DCP2: variants seen among roughly 807,000 people sequenced by gnomAD.
DCP2 encodes the protein decapping mRNA 2.
A neutral mutation model predicts 56.1 loss-of-function variants in DCP2; 30 were observed. That is an observed-to-expected ratio of 0.53 (90% CI 0.40 to 0.73). The LOEUF is 0.73. DCP2 is among the 30% of genes least tolerant of loss of function. The pLI is 0.00. For synonymous variants in DCP2, 197 were observed against 163.3 expected (o/e 1.21, Z -1.57); for missense variants, 533 against 502.7 (o/e 1.06, Z -0.58).
intron 10 of DCP2, 103 bp downstream of exon 10, chr5:113,010,910 AG>A: frequency 8.1e-7 from 1 of 1,230,710 alleles, no homozygotes; most frequent in East Asian, 2.4e-5. Flanking sequence ...ATAGTTAAGC[AG>A]GAAGAGTTGC....
Position 113,001,656 on chromosome 5 carries a change from C to A in DCP2, c.788C>A (p.Pro263His), listed in dbSNP as rs991328600. 1 of 1,613,906 alleles carries A rather than the reference C, an allele frequency of 6.2e-7. No homozygotes were observed. The highest frequency in any genetic ancestry group is 8.5e-7 in the Non-Finnish European group (1 of 1,179,952). ...TCAACTGGTAGCACGCCGGCTAAAC[C>A]CACTGTGGAAAAATTGAGGTAAAGA... is the stretch of plus-strand genomic sequence containing the variant. ...FSSTGSTPAK[P>H]TVEKLSRTKF... Residue 263 changes from proline (P) to histidine (H), a missense_variant, in exon 7 of 11, where the codon CCC (proline) becomes CAC (histidine). Coordinates refer to ENST00000389063, the MANE Select transcript of DCP2 (RefSeq NM_152624.6).
rs997770959 is a variant in DCP2, at chr5:113,017,088, C to T, written c.*3604C>T. The stretch of plus-strand genomic sequence containing the variant: ...TTGGCTTTTTATCTTTATTTTTGTA[C>T]CAGTGGACCTTCCTGCTCCCTGAGA... On this transcript the variant is annotated 3_prime_UTR_variant, in exon 11 of 11. Coordinates refer to ENST00000389063, the MANE Select transcript of DCP2 (RefSeq NM_152624.6). The T allele has an allele frequency of 1.3e-5, 2 of 152,018 alleles. No individual in the cohort carries two copies. The highest frequency in any genetic ancestry group is 4.8e-5 in the African/African-American group (2 of 41,402). 9.4% of individuals were successfully genotyped at this position (152,018 alleles called of 1,614,324 possible). A position where few individuals can be genotyped will look rare whatever the true frequency, so the allele number is the denominator to read the frequency against.
Position 113,010,758 on chromosome 5 carries a change from G to A in DCP2, c.1050G>A (p.Lys350=). The A allele has an allele frequency of 6.3e-7, 1 of 1,577,026 alleles. No homozygotes were observed. The highest frequency in any genetic ancestry group is 8.6e-7 in the Non-Finnish European group (1 of 1,167,496). The change falls in exon 10 of 11, where the codon AAG becomes AAA. Residue 350 remains lysine, a splice_region_variant and synonymous_variant. Coordinates refer to ENST00000389063, the MANE Select transcript of DCP2 (RefSeq NM_152624.6). Reference sequence around the variant, plus strand: ...GTGTTTTTTTTTTTTTTAAATAGAAGTGTGAAAAGAAACTTCATCCACGGA... The same window carrying A: ...GTGTTTTTTTTTTTTTTAAATAGAAATGTGAAAAGAAACTTCATCCACGGA... ...QPAKQQNSLM[K]CEKKLHPRKL...
chr5:113,021,116 A>C lies in DCP2; in HGVS notation c.*7632A>C, dbSNP rs1241272300. The C allele has an allele frequency of 6.6e-6, 1 of 152,194 alleles. No individual in the cohort carries two copies. The highest frequency in any genetic ancestry group is 1.5e-5 in the Non-Finnish European group (1 of 68,058). 9.4% of individuals were successfully genotyped at this position (152,194 alleles called of 1,614,324 possible). On this transcript the variant is annotated 3_prime_UTR_variant, in exon 11 of 11. Transcript: ENST00000389063. ...CAGGAAGAAGCTGGGCGCGGTGCTC[A>C]TACCTGTAATCCCAGCACTTTGGGA...
chr5:112,977,296 T>TGCC (rs781744957), intron 1 of DCP2, among the ~76,000 whole-genome samples: 3 of 152,316 alleles, frequency 2.0e-5, no homozygotes, highest in East Asian at 3.9e-4. Context: ...CTTAGCGTTT[T>TGCC]GCCGCCGCCG....
intron 2 of DCP2, among the ~76,000 whole-genome samples, chr5:112,986,423 G>A (rs753921325): frequency 2.6e-5 from 4 of 150,944 alleles, no homozygotes; most frequent in Non-Finnish European, 5.9e-5. Context: ...CTGTATTCTC[G>A]AGCTCCTGCT....
intron 3 of DCP2, 64 bp from the exon 4 acceptor site, chr5:112,992,608 G>T (rs2150176528): frequency 4.1e-6 from 5 of 1,210,164 alleles, no homozygotes; most frequent in South Asian, 1.4e-5. Context: ...AAATGCCTTT[G>T]ATTTTTAGAA....
chr5:112,993,474 A>C (rs1748691390), intron 4 of DCP2, among the ~76,000 whole-genome samples: 1 of 151,942 alleles, frequency 6.6e-6, no homozygotes, highest in South Asian at 2.1e-4. Flanking sequence ...AAAATACAAA[A>C]AATTAGCTGG....
chr5:113,011,767 C>G (rs1447766387), intron 10 of DCP2, among the ~76,000 whole-genome samples: 3 of 151,640 alleles, frequency 2.0e-5, no homozygotes, highest in Non-Finnish European at 4.4e-5. Flanking sequence ...CGGTCATATC[C>G]AAAAAAAAGT....
At chr5:112,977,208 C>A (rs939101845) in intron 1 of DCP2, among the ~76,000 whole-genome samples, 2 of 152,210 alleles carry the variant, frequency 1.3e-5, no homozygotes, top group Non-Finnish European at 2.9e-5. Flanking sequence ...CCGCAGAACA[C>A]CCGGAATTTC....
chr5:112,984,695 A>ATATATATATATATATAT (rs1332407058), intron 1 of DCP2: 9 of 75,740 alleles, frequency 1.2e-4, no homozygotes, highest in East Asian at 3.5e-4. Context: ...TTAAAAAAAA[A>ATATATATATATATATAT]AAAAAAAAAT....
intron 4 of DCP2, among the ~76,000 whole-genome samples, chr5:112,999,617 G>A (rs1749041967): frequency 6.7e-6 from 1 of 149,522 alleles, no homozygotes; most frequent in Non-Finnish European, 1.5e-5. Context: ...GTGAGCCATC[G>A]CACCCAGCCT....
rs1554098980 is a variant in DCP2 at position 112,984,703 on chromosome 5, A to ATATATAT, written c.54-1132_54-1131insTATATAT. On this transcript the variant is annotated intron_variant, in intron 1 of 10. Coordinates refer to ENST00000389063, the MANE Select transcript of DCP2 (RefSeq NM_152624.6). ...TTCTTAATTAAAAAAAAAAAAAAAA[A>ATATATAT]ATATATATATATATATATATATTTG... The ATATATAT allele has an allele frequency of 1.7e-3, 111 of 64,836 alleles. 2 individuals are homozygous for ATATATAT. The highest frequency in any genetic ancestry group is 2.1e-3 in the South Asian group (4 of 1,920). 4.0% of individuals were successfully genotyped at this position (64,836 alleles called of 1,614,324 possible). A position where few individuals can be genotyped will look rare whatever the true frequency, so the allele number is the denominator to read the frequency against.
Position 113,017,800 on chromosome 5 carries a change from G to A in DCP2, c.*4316G>A, listed in dbSNP as rs1749951115. ...GAAATGTGATCATTGCATGGCCTAA[G>A]TGTAGTCATTCATATATATATGAAT... On this transcript the variant is annotated 3_prime_UTR_variant, in exon 11 of 11. Coordinates refer to ENST00000389063, the MANE Select transcript of DCP2 (RefSeq NM_152624.6). 3.9e-5 allele frequency: 6 copies of A among 152,286 alleles called. No homozygotes were observed. In the South Asian group the frequency reaches 1.2e-3, roughly 32 times the overall value. 9.4% of individuals were successfully genotyped at this position (152,286 alleles called of 1,614,324 possible). A position where few individuals can be genotyped will look rare whatever the true frequency, so the allele number is the denominator to read the frequency against.
chr5:113,000,680 C>G (rs17135254), intron 4 of DCP2, among the ~76,000 whole-genome samples: 2,878 of 152,240 alleles, frequency 0.019, 90 homozygotes, highest in African/African-American at 0.065. Context: ...GCTCAGACAG[C>G]TTGCATGAGT....
In DCP2 at chr5:113,009,530, A is replaced by G. The variant is rs984990423; in HGVS notation, c.1048-1226A>G. ...ACACATAAAAATTACTAATTGGTACAACCTTCTAGAGAGGACTTTGCTATA... is the reference window on the plus strand; with the variant it reads ...ACACATAAAAATTACTAATTGGTACGACCTTCTAGAGAGGACTTTGCTATA... On this transcript the variant is annotated intron_variant, in intron 9 of 10. Transcript: ENST00000389063. 3.9e-5 allele frequency among the ~76,000 whole-genome samples: 6 copies of G among 152,362 alleles called. No homozygotes were observed. The East Asian group carries it at 1.2e-3, about 29-fold the overall frequency.
chr5:113,010,095 C>T (rs1449097673), intron 9 of DCP2, among the ~76,000 whole-genome samples: 2 of 147,600 alleles, frequency 1.4e-5, no homozygotes, highest in East Asian at 2.0e-4. Flanking sequence ...TGTGGTGGTG[C>T]GATCTTGGCT....
At chr5:113,012,355 C>T (rs189212358) in intron 10 of DCP2, among the ~76,000 whole-genome samples, 32 of 151,800 alleles carry the variant, frequency 2.1e-4, no homozygotes, top group African/African-American at 7.2e-4. Flanking sequence ...GAGACCATCT[C>T]GAAAAAAGGG....
rs1750161830 is a variant in DCP2, at chr5:113,021,901, ATT to A, written c.*8420_*8421del. ...ATAGATAACTTCCTATTTATGCCAA[ATT>A]TTAAAAAGCCAACTAAAAATGGGCT... On this transcript the variant is annotated 3_prime_UTR_variant, in exon 11 of 11. Coordinates refer to ENST00000389063, the MANE Select transcript of DCP2 (RefSeq NM_152624.6). Among the ~76,000 whole-genome samples, 1 of 152,176 alleles carries A rather than the reference ATT, an allele frequency of 6.6e-6. No homozygotes were observed. The highest frequency in any genetic ancestry group is 1.5e-5 in the Non-Finnish European group (1 of 68,022).
Sources: gnomAD v4.1 joint callset for allele counts (sites outside exome capture counted in the v4.1 genomes callset) on GRCh38, gnomAD v4.1.1 for gene constraint, MANE v1.5 for transcripts, NCBI Gene and HGNC (gene_info 2026-07-23, HGNC 2026-07-21) for gene names.